KIF27: variants seen among roughly 807,000 people sequenced by gnomAD.
The protein encoded by KIF27 is kinesin family member 27, also known as kinesin-like protein KIF27.
KIF27 carries 84 observed loss-of-function variants against 141.8 expected under a neutral mutation model. The ratio of observed to expected loss-of-function variants is 0.59; its 90% CI spans 0.50 to 0.71. KIF27 has a LOEUF of 0.71. Ranked by LOEUF, KIF27 falls within the 30% of genes least tolerant of loss-of-function variation. The pLI is 0.00. For missense variants in KIF27, 1,306 were observed against 1,628.4 expected, an observed-to-expected ratio of 0.80 and a Z score of 3.41; for synonymous variants, 471 against 569.5, an observed-to-expected ratio of 0.83 and a Z score of 2.46.
At chr9:83,913,825 A>G (rs552641053) in intron 2 of KIF27, among the ~76,000 whole-genome samples, 4 of 152,188 alleles carry the variant, frequency 2.6e-5, no homozygotes, top group Non-Finnish European at 5.9e-5. Context: ...AACCCAAAAA[A>G]CCACACAAGT....
intron 13 of KIF27, among the ~76,000 whole-genome samples, chr9:83,865,405 G>T (rs574123082): frequency 6.6e-6 from 1 of 151,842 alleles, no homozygotes; most frequent in Admixed American, 6.6e-5. Flanking sequence ...TCAAGTGATT[G>T]TCCTGCCTCA....
At chr9:83,899,605 T>C (rs1414949738) in intron 5 of KIF27, 56 bp downstream of exon 5, 2 of 1,306,352 alleles carry the variant, frequency 1.5e-6, no homozygotes, top group Non-Finnish European at 2.2e-6. Context: ...TGCTACTGTG[T>C]TTAGTTAGGT....
chr9:83,873,109 T>C (rs903018729), intron 11 of KIF27, among the ~76,000 whole-genome samples: 3 of 152,190 alleles, frequency 2.0e-5, no homozygotes, highest in South Asian at 2.1e-4. Flanking sequence ...TAGGGGCTTA[T>C]AATGCTAGTG....
intron 13 of KIF27, among the ~76,000 whole-genome samples, chr9:83,866,081 G>A (rs1446595675): frequency 3.9e-5 from 6 of 151,990 alleles, no homozygotes; most frequent in Non-Finnish European, 7.4e-5. Context: ...AACCTTTGCT[G>A]TGCCTGGTTC....
Position 83,883,963 on chromosome 9 carries a change from C to T in KIF27, c.2295G>A (p.Glu765=). Residue 765 remains glutamate, a synonymous_variant, in exon 10 of 18, where the codon GAG becomes GAA. Transcript: ENST00000297814. The part of the protein sequence containing the change: ...KQYSLKVTKL[E]HDAEQAKVEL... ...CGACTTTTGCCTGTTCTGCATCATG[C>T]TCTAGCTTTGTTACTTTCAAAGAAT... The T allele has an allele frequency of 1.2e-6, 2 of 1,613,632 alleles. No individual in the cohort carries two copies. Among genetic ancestry groups the T allele is most frequent in the Non-Finnish European group, 8.5e-7 (1 of 1,179,744 alleles).
chr9:83,896,028 G>T (rs982453842), intron 5 of KIF27, among the ~76,000 whole-genome samples: 5 of 131,714 alleles, frequency 3.8e-5, no homozygotes, highest in African/African-American at 1.4e-4. Flanking sequence ...CTCCAGCCTG[G>T]ATGACAGAGT....
intron 16 of KIF27, chr9:83,848,516 GCATATATA>G (rs1948124923): frequency 7.1e-6 from 1 of 140,992 alleles, no homozygotes; most frequent in Non-Finnish European, 1.5e-5. Context: ...AGCTATATAT[GCATATATA>G]CATATATATC....
At chr9:83,886,317 T>C (rs1355560015) in intron 9 of KIF27, among the ~76,000 whole-genome samples, 3 of 152,138 alleles carry the variant, frequency 2.0e-5, no homozygotes, top group Non-Finnish European at 4.4e-5. Context: ...GTGGTTGTTT[T>C]AAAATAGAGG....
At chr9:83,906,936 T>C (rs1037897908) in intron 3 of KIF27, among the ~76,000 whole-genome samples, 2 of 151,708 alleles carry the variant, frequency 1.3e-5, no homozygotes, top group African/African-American at 4.8e-5. Flanking sequence ...ATTCAAAATA[T>C]AAATATTAAG....
At chr9:83,878,193 AT>A (rs1951378039) in intron 11 of KIF27, among the ~76,000 whole-genome samples, 4 of 49,680 alleles carry the variant, frequency 8.1e-5, no homozygotes, top group African/African-American at 3.3e-4. Context: ...AAAAAAAGAG[AT>A]ACAACGATAC....
intron 16 of KIF27, chr9:83,849,454 T>TA (rs1948276704): frequency 1.3e-5 from 2 of 152,130 alleles, no homozygotes; most frequent in African/African-American, 4.8e-5. Flanking sequence ...ATTGAAGGAG[T>TA]AACAGTATCA....
At chr9:83,919,984 C>T (rs745359357) in intron 1 of KIF27, among the ~76,000 whole-genome samples, 1 of 151,856 alleles carries the variant, frequency 6.6e-6, no homozygotes, top group African/African-American at 2.4e-5. Context: ...GTAATCCCAG[C>T]ACTTTGGGAG....
At chr9:83,912,931 C>T (rs527885428) in intron 2 of KIF27, among the ~76,000 whole-genome samples, 70 of 151,590 alleles carry the variant, frequency 4.6e-4, no homozygotes, top group African/African-American at 1.6e-3. Flanking sequence ...TGAGGCAGGG[C>T]GGATCACTTG....
At chr9:83,916,452 A>G (rs926596269) in intron 1 of KIF27, among the ~76,000 whole-genome samples, 3 of 152,354 alleles carry the variant, frequency 2.0e-5, no homozygotes, top group East Asian at 1.9e-4. Flanking sequence ...AAGAATTTCA[A>G]TAAGTCAACA....
chr9:83,862,696 T>C (rs1178519278), intron 13 of KIF27, among the ~76,000 whole-genome samples: 3 of 152,216 alleles, frequency 2.0e-5, no homozygotes, highest in Non-Finnish European at 4.4e-5. Context: ...AAGTAGTTTT[T>C]TCCAGTTCTG....
At chr9:83,841,928 C>T (rs539864511) in intron 17 of KIF27, among the ~76,000 whole-genome samples, 2 of 152,062 alleles carry the variant, frequency 1.3e-5, no homozygotes, top group South Asian at 2.1e-4. Flanking sequence ...GCTTAATTTA[C>T]TATAAAATAG....
chr9:83,908,275 A>G (rs1217911879), intron 3 of KIF27, among the ~76,000 whole-genome samples, 177 bp downstream of exon 3: 1 of 151,992 alleles, frequency 6.6e-6, no homozygotes, highest in Non-Finnish European at 1.5e-5. Context: ...AAAAAAAAAA[A>G]AAAAAGAGAG....
At chr9:83,840,546 C>T (rs1279031143) in intron 17 of KIF27, among the ~76,000 whole-genome samples, 6 of 151,922 alleles carry the variant, frequency 3.9e-5, no homozygotes, top group African/African-American at 9.7e-5. Flanking sequence ...CTAGTAGACT[C>T]GGTGGCATAA....
intron 3 of KIF27, among the ~76,000 whole-genome samples, chr9:83,907,396 A>G (rs1382226475): frequency 6.6e-6 from 1 of 151,602 alleles, no homozygotes; most frequent in East Asian, 1.9e-4. Context: ...AGAAGTTGGT[A>G]TTTCTAGGCG....
Sources: allele counts gnomAD v4.1 joint callset (sites outside exome capture counted in the v4.1 genomes callset), GRCh38; gene constraint gnomAD v4.1.1; transcripts MANE v1.5; gene names NCBI Gene and HGNC (gene_info 2026-07-23, HGNC 2026-07-21).